Variants in CGNL1 observed in about 807,000 individuals in gnomAD.
The protein encoded by CGNL1 is cingulin like 1.
CGNL1 carries 132 observed loss-of-function variants against 141.2 expected under a neutral mutation model. The observed-to-expected ratio is 0.93, with a 90% CI of 0.81 to 1.08. The LOEUF (loss-of-function observed/expected upper bound fraction) is 1.08. CGNL1 is among the 50% of genes least tolerant of loss of function. The probability of loss-of-function intolerance (pLI) is 0.00; values close to 1 mark genes in which losing one functional copy is unlikely to be tolerated. For missense variants in CGNL1, 1,870 were observed against 1,588.6 expected (o/e 1.18, Z -3.01); for synonymous variants, 690 against 622.1 (o/e 1.11, Z -1.63).
intron 1 of CGNL1, among the ~76,000 whole-genome samples, chr15:57,425,930 T>C (rs1256301670): frequency 6.6e-6 from 1 of 151,858 alleles, no homozygotes; most frequent in Non-Finnish European, 1.5e-5. Context: ...ATCTATATAT[T>C]ATAAAATATT....
intron 14 of CGNL1, among the ~76,000 whole-genome samples, chr15:57,532,117 A>G (rs2031985614): frequency 6.6e-6 from 1 of 152,188 alleles, no homozygotes. Flanking sequence ...GTTGATATAC[A>G]GTTCGTCTAG....
At position 57,438,979 on chromosome 15, in the gene CGNL1, A is replaced by G. The variant is rs143394695; in HGVS notation, c.980A>G (p.Asn327Ser). The change falls in exon 2 of 19, where the codon AAT (asparagine) becomes AGT (serine). Residue 327 changes from asparagine (N) to serine (S), a missense_variant. Coordinates refer to ENST00000281282, the MANE Select transcript of CGNL1 (RefSeq NM_032866.5). ...QECAIHADNV[N>S]RHENRRYIPF... is the part of the protein sequence containing the mutation. ...TGTGCCATCCATGCCGACAACGTCAATCGTCATGAAAACAGAAGGTATATT... is the reference window on the plus strand; with the variant it reads ...TGTGCCATCCATGCCGACAACGTCAGTCGTCATGAAAACAGAAGGTATATT... 8.1e-5 allele frequency: 130 copies of G among 1,614,130 alleles called. No individual in the cohort carries two copies. Among genetic ancestry groups the G allele is most frequent in the Admixed American group, 5.0e-4 (30 of 60,014 alleles).
chr15:57,402,212 T>C (rs1717387205), intron 1 of CGNL1, among the ~76,000 whole-genome samples: 2 of 151,976 alleles, frequency 1.3e-5, no homozygotes, highest in African/African-American at 4.8e-5. Flanking sequence ...AGTGAGTGAG[T>C]TCTTGTTCTA....
intron 8 of CGNL1, among the ~76,000 whole-genome samples, chr15:57,515,480 C>G (rs1261802222): frequency 2.0e-5 from 3 of 152,186 alleles, no homozygotes; most frequent in Non-Finnish European, 4.4e-5. Context: ...CTTTAAAAGC[C>G]TAACCTTGTC....
chr15:57,533,942 G>C (rs550283462), intron 14 of CGNL1, among the ~76,000 whole-genome samples: 1 of 152,368 alleles, frequency 6.6e-6, no homozygotes, highest in South Asian at 2.1e-4. Flanking sequence ...TGGGCTGGCA[G>C]TCCCAGTCCT....
chr15:57,380,169 A>G (rs2062409195), intron 1 of CGNL1, among the ~76,000 whole-genome samples: 2 of 152,118 alleles, frequency 1.3e-5, no homozygotes, highest in African/African-American at 4.8e-5. Context: ...GAGTAGCTGG[A>G]ATTACAGGCA....
intron 1 of CGNL1, among the ~76,000 whole-genome samples, chr15:57,392,824 A>G (rs1380078007): frequency 6.6e-6 from 1 of 152,192 alleles, no homozygotes; most frequent in African/African-American, 2.4e-5. Context: ...TGTAGAATGA[A>G]CAGTCATTTT....
At chr15:57,472,692 A>G (rs2063598006) in intron 8 of CGNL1, among the ~76,000 whole-genome samples, 1 of 152,112 alleles carries the variant, frequency 6.6e-6, no homozygotes, top group Non-Finnish European at 1.5e-5. Context: ...AGGATTATGT[A>G]GGGCCCCATT....
chr15:57,381,973 T>TA (rs771820033), intron 1 of CGNL1, among the ~76,000 whole-genome samples: 3 of 152,196 alleles, frequency 2.0e-5, no homozygotes, highest in Non-Finnish European at 4.4e-5. Context: ...CATCCTAGGT[T>TA]AGAGAGACGT....
chr15:57,413,231 C>CTCCT (rs2062812287), intron 1 of CGNL1, among the ~76,000 whole-genome samples: 1 of 149,768 alleles, frequency 6.7e-6, no homozygotes, highest in African/African-American at 2.5e-5. Context: ...TCCTCCCTCC[C>CTCCT]TCCCTCCCTC....
chr15:57,489,605 A>T (rs896470240), intron 8 of CGNL1, among the ~76,000 whole-genome samples: 2 of 152,124 alleles, frequency 1.3e-5, no homozygotes, highest in African/African-American at 4.8e-5. Flanking sequence ...ATGAGGTAGG[A>T]GTCTATTTTA....
rs760753066 is a variant in CGNL1, at chr15:57,545,578, C to G, written c.3501-14C>G. ...GGAGTGAGAGGGTTCTTGGTTCTGT[C>G]TCCCCTCTTCCAGGGATCGGGCCAA... is the stretch of plus-strand genomic sequence containing the variant. On this transcript the variant is annotated splice_polypyrimidine_tract_variant and intron_variant, in intron 16 of 18. Transcript: ENST00000281282. The G allele has an allele frequency of 1.9e-6, 3 of 1,608,062 alleles. No homozygotes were observed. The highest frequency in any genetic ancestry group is 1.1e-5 in the South Asian group (1 of 89,768).
intron 4 of CGNL1, among the ~76,000 whole-genome samples, chr15:57,447,954 T>C (rs753450108): frequency 1.3e-5 from 2 of 152,174 alleles, no homozygotes; most frequent in Non-Finnish European, 2.9e-5. Context: ...CTTTCTCTTT[T>C]AAGATGTCTT....
intron 13 of CGNL1, among the ~76,000 whole-genome samples, chr15:57,529,347 G>C (rs1176742081): frequency 1.3e-5 from 2 of 152,136 alleles, no homozygotes; most frequent in Admixed American, 1.3e-4. Context: ...TATGTACATA[G>C]TCCAAGACAG....
chr15:57,467,683 TG>T (rs1567136613), intron 8 of CGNL1, among the ~76,000 whole-genome samples: 1 of 138,932 alleles, frequency 7.2e-6, no homozygotes. Flanking sequence ...TAAGAGTCTC[TG>T]TCTTTTTTTT....
At chr15:57,384,678 TTTC>T (rs869075597) in intron 1 of CGNL1, among the ~76,000 whole-genome samples, 1 of 81,768 alleles carries the variant, frequency 1.2e-5, no homozygotes, top group African/African-American at 8.1e-5. Flanking sequence ...CTTTATTTTC[TTTC>T]TTTTTTAAAA....
At position 57,513,272 on chromosome 15, in the gene CGNL1, GTGTGTGTGTGTGTGTGTGTGTGTT is replaced by G. The variant is rs1339904822; in HGVS notation, c.2404-3501_2404-3478del. On this transcript the variant is annotated intron_variant, in intron 8 of 18. Coordinates refer to ENST00000281282, the MANE Select transcript of CGNL1 (RefSeq NM_032866.5). ...AATATGGGTGTGTGTGTGTGTGTGT[GTGTGTGTGTGTGTGTGTGTGTGTT>G]TGTGTGATTGGCTTCTTTAGGATAA... Among the ~76,000 whole-genome samples the G allele has an allele frequency of 4.5e-5, 6 of 132,500 alleles. No homozygotes were observed. In the East Asian group the frequency reaches 1.0e-3, roughly 22 times the overall value. 86.9% of individuals were successfully genotyped at this position (132,500 alleles called of 152,430 possible).
chr15:57,477,876 T>A (rs1380050554), intron 8 of CGNL1, among the ~76,000 whole-genome samples: 2 of 152,164 alleles, frequency 1.3e-5, no homozygotes, highest in African/African-American at 2.4e-5. Context: ...CTCCTGCTGC[T>A]GAACTGGAGA....
At chr15:57,408,161 A>G (rs1390836446) in intron 1 of CGNL1, among the ~76,000 whole-genome samples, 2 of 152,176 alleles carry the variant, frequency 1.3e-5, no homozygotes, top group Middle Eastern at 3.2e-3. Flanking sequence ...AATCTTGCAG[A>G]AAGTGGGATG....
Sources: gnomAD v4.1 joint callset for allele counts (sites outside exome capture counted in the v4.1 genomes callset) on GRCh38, gnomAD v4.1.1 for gene constraint, MANE v1.5 for transcripts, NCBI Gene and HGNC (gene_info 2026-07-23, HGNC 2026-07-21) for gene names.